SEC14L2: variants seen among roughly 807,000 people sequenced by gnomAD.
SEC14L2 encodes the protein SEC14 like lipid binding 2, also known as SEC14-like protein 2.
In SEC14L2, 50 loss-of-function variants were observed where a neutral mutation model predicts 56.9. The ratio of observed to expected loss-of-function variants is 0.88; its 90% CI spans 0.70 to 1.11. The LOEUF (loss-of-function observed/expected upper bound fraction) is 1.11, where lower values mean the gene tolerates loss of function less well. Among genes scored for constraint, SEC14L2 ranks in the 50% most tolerant of loss-of-function variants. The pLI is 0.00. For synonymous variants in SEC14L2, 179 were observed against 188.5 expected, an observed-to-expected ratio of 0.95 and a Z score of 0.41; for missense variants, 414 against 500.7, an observed-to-expected ratio of 0.83 and a Z score of 1.65.
rs60530235 is a variant in SEC14L2, at chr22:30,411,742, CAAAAA to C, written c.664+1078_664+1082del. 1.9e-4 allele frequency among the ~76,000 whole-genome samples: 13 copies of C among 67,798 alleles called. 1 individual carries two copies. Among genetic ancestry groups the C allele is most frequent in the South Asian group, 8.7e-4 (1 of 1,156 alleles). 44.5% of individuals were successfully genotyped at this position (67,798 alleles called of 152,430 possible). On this transcript the variant is annotated intron_variant, in intron 8 of 11. Coordinates refer to ENST00000615189, the MANE Select transcript of SEC14L2 (RefSeq NM_012429.5). ...AGCCTGGGCAACAGAGACTCCGTCTCAAAAAAAAAAAAAAAAAAAGGGGTCCCTTG... is the reference window on the plus strand; with the variant it reads ...AGCCTGGGCAACAGAGACTCCGTCTCAAAAAAAAAAAAAAGGGGTCCCTTG...
chr22:30,399,298 C>T (rs1367072374), intron 1 of SEC14L2, among the ~76,000 whole-genome samples: 1 of 151,896 alleles, frequency 6.6e-6, no homozygotes, highest in Non-Finnish European at 1.5e-5. Flanking sequence ...CGGATCAGGA[C>T]GAGGTCAGGA....
intron 7 of SEC14L2, 107 bp from the exon 8 acceptor site, chr22:30,410,489 T>C: frequency 1.9e-6 from 2 of 1,053,990 alleles, no homozygotes; most frequent in South Asian, 2.7e-5. Context: ...CTGGGGAACA[T>C]GTGGCCCAGC....
In SEC14L2 at chr22:30,425,212, G is replaced by T. The variant is rs2024915121; in HGVS notation, c.*2805G>T. 1 of 206,180 alleles carries T rather than the reference G, an allele frequency of 4.9e-6. No individual in the cohort carries two copies. Among genetic ancestry groups the T allele is most frequent in the Non-Finnish European group, 1.0e-5 (1 of 98,836 alleles). The allele number at this position is 206,180 out of a possible 1,614,324, so 12.8% of individuals were successfully genotyped here. ...CACCTGTAAAACGGGCTCCCAGGCT[G>T]GTGGGAGGGTTTCAGGTGTAAGACA... On this transcript the variant is annotated 3_prime_UTR_variant, in exon 12 of 12. Transcript: ENST00000615189.
intron 2 of SEC14L2, among the ~76,000 whole-genome samples, chr22:30,402,414 C>T (rs1190693017): frequency 2.0e-5 from 3 of 152,084 alleles, no homozygotes; most frequent in Admixed American, 6.5e-5. Context: ...CCTGGGGAGC[C>T]TCATACTTCA....
Position 30,422,279 on chromosome 22 carries a change from G to A in SEC14L2, c.1084G>A (p.Val362Ile), listed in dbSNP as rs780928268. The A allele has an allele frequency of 3.1e-6, 5 of 1,613,992 alleles. No homozygotes were observed. Among genetic ancestry groups the A allele is most frequent in the African/African-American group, 1.3e-5 (1 of 74,912 alleles). ...TLTCSDPGIY[V>I]LRFDNTYSFI... ...GTCTGGTTTCTGCCTTCCCTCAGAT[G>A]TCCTGCGGTTTGACAACACCTACAG... Residue 362 changes from valine (V) to isoleucine (I), a missense_variant and splice_region_variant, in exon 12 of 12, where the codon GTC becomes ATC. Val to Ile is a conservative substitution (Grantham distance 29). Coordinates refer to ENST00000615189, the MANE Select transcript of SEC14L2 (RefSeq NM_012429.5).
At chr22:30,403,799 C>T (rs888757814) in intron 2 of SEC14L2, among the ~76,000 whole-genome samples, 11 of 151,864 alleles carry the variant, frequency 7.2e-5, no homozygotes, top group Admixed American at 6.6e-4. Context: ...GTCAGGAGAT[C>T]GAGACCATCC....
rs1429753325 is a variant in SEC14L2, at chr22:30,397,170, G to C, written c.54G>C (p.Lys18Asn). 3.9e-6 allele frequency: 6 copies of C among 1,541,106 alleles called. No individual in the cohort carries two copies. Among genetic ancestry groups the C allele is most frequent in the Admixed American group, 2.0e-5 (1 of 50,196 alleles). Residue 18 changes from lysine to asparagine, a missense_variant and splice_region_variant, in exon 1 of 12, where the codon AAG becomes AAC. Lys to Asn is a moderately conservative substitution (Grantham distance 94). Transcript: ENST00000615189. ...LSPRQKEALA[K>N]FRENVQDVLP... Reference sequence around the variant, plus strand: ...CCAGGCAGAAGGAGGCATTGGCCAAGGTGAGCTGTAGCCCTGGCCCGGGCT... The same window carrying C: ...CCAGGCAGAAGGAGGCATTGGCCAACGTGAGCTGTAGCCCTGGCCCGGGCT...
At chr22:30,400,951 A>G (rs1470841889) in intron 2 of SEC14L2, among the ~76,000 whole-genome samples, 1 of 121,858 alleles carries the variant, frequency 8.2e-6, no homozygotes, top group South Asian at 2.9e-4. Context: ...TTTTCTTTTT[A>G]GTAGAGACCT....
rs1934392303 is a variant in SEC14L2, at chr22:30,416,387, C to T, written c.1065C>T (p.Cys355=). The change falls in exon 11 of 12, where the codon TGC becomes TGT. Residue 355 remains cysteine (C), a synonymous_variant. Transcript: ENST00000615189. The stretch of plus-strand genomic sequence containing the variant: ...TCCCTGAAGATGGGACCCTCACCTG[C>T]AGTGATCCTGGCATCTGTAAGTATC... The part of the protein sequence containing the change: ...HLVPEDGTLT[C]SDPGIYVLRF... 1.2e-6 allele frequency: 2 copies of T among 1,614,132 alleles called. No individual in the cohort carries two copies. The highest frequency in any genetic ancestry group is 2.7e-5 in the African/African-American group (2 of 74,940).
At chr22:30,406,514 T>C in intron 3 of SEC14L2, 129 bp downstream of exon 3, 1 of 867,026 alleles carries the variant, frequency 1.2e-6, no homozygotes, top group South Asian at 1.6e-5. Flanking sequence ...ACTGTTGCCT[T>C]ATCCCTCTGG....
rs1444633127 is a variant in SEC14L2 at position 30,414,731 on chromosome 22, A to G, written c.665-1028A>G. ...CTTAGCATTGGCTGTGCTAGAGTCAAACTCTCCTAGACAGGAAGGAGCTTG... is the reference window on the plus strand; with the variant it reads ...CTTAGCATTGGCTGTGCTAGAGTCAGACTCTCCTAGACAGGAAGGAGCTTG... On this transcript the variant is annotated intron_variant, in intron 8 of 11. Coordinates refer to ENST00000615189, the MANE Select transcript of SEC14L2 (RefSeq NM_012429.5). Among the ~76,000 whole-genome samples the G allele has an allele frequency of 2.0e-5, 3 of 152,116 alleles. No homozygotes were observed. In the South Asian group the frequency reaches 6.2e-4, roughly 32 times the overall value.
In SEC14L2 at chr22:30,422,336, G is replaced by A. The variant is rs1184684481; in HGVS notation, c.1141G>A (p.Val381Met). The change falls in exon 12 of 12, where the codon GTG becomes ATG. Residue 381 changes from valine (V) to methionine (M), a missense_variant. Val to Met is a conservative substitution (Grantham distance 21). Coordinates refer to ENST00000615189, the MANE Select transcript of SEC14L2 (RefSeq NM_012429.5). ...FIHAKKVNFT[V>M]EVLLPDKASE... ...TCATGCCAAGAAGGTCAATTTCACT[G>A]TGGAGGTCCTGCTTCCAGACAAAGC... 1.9e-6 allele frequency: 3 copies of A among 1,614,214 alleles called. No individual in the cohort carries two copies. The highest frequency in any genetic ancestry group is 1.3e-5 in the African/African-American group (1 of 75,052).
chr22:30,398,507 A>G (rs1933823780), intron 1 of SEC14L2: 1 of 359,670 alleles, frequency 2.8e-6, no homozygotes, highest in Non-Finnish European at 5.6e-6. Context: ...CTGTTCGCCT[A>G]CCAGGGAGTG....
chr22:30,412,894 C>T (rs9608905), intron 8 of SEC14L2, among the ~76,000 whole-genome samples: 3,436 of 149,604 alleles, frequency 0.023, 42 homozygotes, highest in East Asian at 0.032. Context: ...AACAGCAGAA[C>T]TCAATTGACT....
chr22:30,398,425 T>A (rs1024341833), intron 1 of SEC14L2, among the ~76,000 whole-genome samples: 3 of 152,134 alleles, frequency 2.0e-5, no homozygotes, highest in African/African-American at 7.2e-5. Flanking sequence ...CCTCTGGGAC[T>A]GCCCTCTAGG....
At chr22:30,399,375 C>A (rs957116317) in intron 1 of SEC14L2, among the ~76,000 whole-genome samples, 15 of 151,822 alleles carry the variant, frequency 9.9e-5, no homozygotes, top group African/African-American at 3.4e-4. Context: ...AATAGCCAGG[C>A]GTGTTGGCAG....
intron 11 of SEC14L2, among the ~76,000 whole-genome samples, chr22:30,419,051 C>A (rs1299188677): frequency 6.6e-6 from 1 of 152,152 alleles, no homozygotes; most frequent in Non-Finnish European, 1.5e-5. Context: ...GAAAAGATTC[C>A]CAAAGAAAGA....
At chr22:30,417,255 T>C (rs1235295088) in intron 11 of SEC14L2, among the ~76,000 whole-genome samples, 1 of 152,256 alleles carries the variant, frequency 6.6e-6, no homozygotes, top group Non-Finnish European at 1.5e-5. Context: ...GGGAAATTTA[T>C]GCTAACTCTA....
intron 10 of SEC14L2, 73 bp from the exon 11 acceptor site, chr22:30,416,161 A>G: frequency 6.2e-7 from 1 of 1,609,208 alleles, no homozygotes; most frequent in Non-Finnish European, 8.5e-7. Flanking sequence ...GAATAGGAGA[A>G]GCCCTGGTGC....
Sources: gnomAD v4.1 joint callset for allele counts (sites outside exome capture counted in the v4.1 genomes callset) on GRCh38, gnomAD v4.1.1 for gene constraint, MANE v1.5 for transcripts, NCBI Gene and HGNC (gene_info 2026-07-23, HGNC 2026-07-21) for gene names.